Variants in TCF4 observed in about 807,000 individuals in gnomAD.
The protein encoded by TCF4 is SL3-3 enhancer factor 2.
In TCF4, 3 loss-of-function variants were observed where a neutral mutation model predicts 82.1. The observed-to-expected ratio is 0.04, with a 90% confidence interval of 0.02 to 0.09. The LOEUF (loss-of-function observed/expected upper bound fraction) is 0.09. TCF4 is among the 10% of genes least tolerant of loss of function. The pLI is 1.00. For synonymous variants in TCF4, 276 were observed against 309.6 expected, an observed-to-expected ratio of 0.89 and a Z score of 1.14; for missense variants, 518 against 852.7, an observed-to-expected ratio of 0.61 and a Z score of 4.89.
intron 3 of TCF4, among the ~76,000 whole-genome samples, chr18:55,513,489 A>G (rs958247098): frequency 2.0e-5 from 3 of 151,890 alleles, no homozygotes; most frequent in African/African-American, 7.3e-5. Context: ...ATAGTGAAAG[A>G]GTGTAGTTTT....
chr18:55,576,644 C>T (rs928952443), intron 3 of TCF4, among the ~76,000 whole-genome samples: 31 of 152,164 alleles, frequency 2.0e-4, no homozygotes, highest in African/African-American at 7.2e-4. Flanking sequence ...ACCATTCCTT[C>T]AAGGATTAGA....
At chr18:55,290,994 A>C (rs757154684) in intron 8 of TCF4, among the ~76,000 whole-genome samples, 3 of 152,238 alleles carry the variant, frequency 2.0e-5, no homozygotes, top group Non-Finnish European at 2.9e-5. Context: ...ACATCTTCAT[A>C]GTATTTTAAA....
At chr18:55,283,938 G>C (rs1436016117) in intron 8 of TCF4, among the ~76,000 whole-genome samples, 1 of 152,090 alleles carries the variant, frequency 6.6e-6, no homozygotes, top group Non-Finnish European at 1.5e-5. Context: ...ATTTTTCAAG[G>C]GGTAAAGCAA....
At chr18:55,376,664 T>G (rs932079047) in intron 6 of TCF4, among the ~76,000 whole-genome samples, 1 of 152,184 alleles carries the variant, frequency 6.6e-6, no homozygotes, top group Non-Finnish European at 1.5e-5. Flanking sequence ...CTTGCATATA[T>G]CACATCCGAC....
At chr18:55,273,322 C>T (rs1182727219) in intron 10 of TCF4, among the ~76,000 whole-genome samples, 3 of 152,150 alleles carry the variant, frequency 2.0e-5, no homozygotes, top group Admixed American at 2.0e-4. Flanking sequence ...ATAATATCAA[C>T]TTGGCCAAAT....
chr18:55,386,591 AAAAATAAAAT>A, intron 6 of TCF4, among the ~76,000 whole-genome samples: 1 of 152,188 alleles, frequency 6.6e-6, no homozygotes, highest in Non-Finnish European at 1.5e-5. Flanking sequence ...GCTTACCACA[AAAAATAAAAT>A]AAAATAAAAT....
At chr18:55,405,653 A>G (rs1434281406) in intron 5 of TCF4, among the ~76,000 whole-genome samples, 1 of 152,154 alleles carries the variant, frequency 6.6e-6, no homozygotes, top group Non-Finnish European at 1.5e-5. Flanking sequence ...TACTCCTTCC[A>G]TTATTTTAAA....
At chr18:55,563,918 C>T (rs1002920947) in intron 3 of TCF4, among the ~76,000 whole-genome samples, 1 of 152,198 alleles carries the variant, frequency 6.6e-6, no homozygotes, top group Non-Finnish European at 1.5e-5. Context: ...TCCAATGACA[C>T]TATGACTAAA....
chr18:55,621,728 T>C (rs1163326695), intron 2 of TCF4, among the ~76,000 whole-genome samples: 1 of 85,840 alleles, frequency 1.2e-5, no homozygotes, highest in African/African-American at 4.6e-5. Flanking sequence ...ATTATATTTA[T>C]AATTATACAA....
intron 2 of TCF4, among the ~76,000 whole-genome samples, chr18:55,597,073 T>C (rs1186042209): frequency 6.6e-6 from 1 of 152,288 alleles, no homozygotes; most frequent in East Asian, 1.9e-4. Context: ...TGCTGTGCCA[T>C]GTGAAGATGT....
At chr18:55,594,748 G>A (rs1462165500) in intron 2 of TCF4, among the ~76,000 whole-genome samples, 1 of 152,204 alleles carries the variant, frequency 6.6e-6, no homozygotes, top group East Asian at 1.9e-4. Flanking sequence ...ACAAGGTGCT[G>A]TCATCGTACT....
intron 6 of TCF4, among the ~76,000 whole-genome samples, chr18:55,353,770 G>T (rs1437613472): frequency 6.6e-6 from 1 of 152,088 alleles, no homozygotes; most frequent in Non-Finnish European, 1.5e-5. Context: ...TTGATTTAAA[G>T]TAAATTAAAT....
intron 5 of TCF4, among the ~76,000 whole-genome samples, chr18:55,423,354 C>G (rs1483034705): frequency 1.3e-5 from 2 of 151,512 alleles, no homozygotes; most frequent in Non-Finnish European, 2.9e-5. Context: ...GGTTCACGAA[C>G]TATTCAGATA....
intron 5 of TCF4, among the ~76,000 whole-genome samples, chr18:55,453,064 A>C (rs2095657184): frequency 6.6e-6 from 1 of 152,240 alleles, no homozygotes; most frequent in Admixed American, 6.5e-5. Flanking sequence ...GCCCAGTATG[A>C]GTCCCAAACT....
chr18:55,592,369 C>G (rs182985148), upstream of TCF4, among the ~76,000 whole-genome samples: 50 of 152,266 alleles, frequency 3.3e-4, no homozygotes, highest in Non-Finnish European at 5.4e-4. Context: ...GGAGAGGGCT[C>G]TCTTCCTGGC....
At chr18:55,379,125 A>G (rs1345513993) in intron 6 of TCF4, among the ~76,000 whole-genome samples, 7 of 152,250 alleles carry the variant, frequency 4.6e-5, no homozygotes, top group Admixed American at 3.9e-4. Context: ...GTGATTAAGT[A>G]TACCAGTAGC....
At chr18:55,528,379 T>C (rs1304726249) in intron 3 of TCF4, among the ~76,000 whole-genome samples, 1 of 152,206 alleles carries the variant, frequency 6.6e-6, no homozygotes, top group African/African-American at 2.4e-5. Context: ...ATCCAAACCA[T>C]TAATATCCAG....
At chr18:55,405,240 G>C (rs1331280697) in intron 5 of TCF4, among the ~76,000 whole-genome samples, 2 of 152,170 alleles carry the variant, frequency 1.3e-5, no homozygotes, top group South Asian at 4.1e-4. Context: ...AAGGACGCGT[G>C]TCCTTCCTTA....
chr18:55,440,236 A>C (rs1354038743), intron 5 of TCF4, among the ~76,000 whole-genome samples: 2 of 152,228 alleles, frequency 1.3e-5, no homozygotes, highest in African/African-American at 4.8e-5. Context: ...AAACACACAC[A>C]CATGAAAATA....
Sources: allele counts gnomAD v4.1 joint callset (sites outside exome capture counted in the v4.1 genomes callset), GRCh38; gene constraint gnomAD v4.1.1; transcripts MANE v1.5; gene names NCBI Gene and HGNC (gene_info 2026-07-23, HGNC 2026-07-21).